The following BRI3 variants were observed in gnomAD, a reference collection of about 807,000 sequenced individuals.
BRI3 encodes membrane protein BRI3.
BRI3 carries 6 observed loss-of-function variants against 12.8 expected under a neutral mutation model. That is an observed-to-expected ratio of 0.47 (90% confidence interval 0.26 to 0.93). BRI3 has a LOEUF of 0.93. BRI3 is among the 40% of genes least tolerant of loss of function. BRI3 has a pLI of 0.15. For synonymous variants in BRI3, 91 were observed against 76.1 expected (o/e 1.20, Z -1.02); for missense variants, 134 against 171.1 (o/e 0.78, Z 1.21).
intron 2 of BRI3, 196 bp downstream of exon 2, chr7:98,282,649 GA>G: frequency 1.8e-6 from 1 of 564,646 alleles, no homozygotes; most frequent in Non-Finnish European, 3.2e-6. Flanking sequence ...CCTTGGCTCT[GA>G]ACACATTTTG....
chr7:98,308,630 C>G, exon 2 of BRI3: 1 of 222,572 alleles, frequency 4.5e-6, no homozygotes. Context: ...CAAACACAGG[C>G]TGATATTTCC....
chr7:98,323,312 T>C, the BRI3 span: 2 of 152,148 alleles, frequency 1.3e-5, no homozygotes, highest in Admixed American at 6.6e-5. Context: ...CAATTCCTCA[T>C]TGGGGATGAA....
downstream of BRI3, chr7:98,311,991 G>A (rs771284783): frequency 2.5e-5 from 29 of 1,178,804 alleles, no homozygotes; most frequent in Non-Finnish European, 3.5e-5. Context: ...GGTGGTCCTG[G>A]AAGTAATAAA....
the BRI3 span, chr7:98,315,654 T>C: frequency 9.7e-7 from 1 of 1,026,556 alleles, no homozygotes; most frequent in South Asian, 3.8e-5. Context: ...TATATAAGCA[T>C]GACATGAGCA....
intron 2 of BRI3, among the ~76,000 whole-genome samples, chr7:98,290,178 GTTGTTTTTTTT>G (rs1287176351): frequency 1.1e-5 from 1 of 92,280 alleles, no homozygotes; most frequent in African/African-American, 3.5e-5. Context: ...GCCTCTCAAG[GTTGTTTTTTTT>G]TTTTTTTTTT....
chr7:98,310,543 G>T, downstream of BRI3: 1 of 1,595,624 alleles, frequency 6.3e-7, no homozygotes, highest in Non-Finnish European at 8.5e-7. Flanking sequence ...TGAAGGAGCG[G>T]GGGGCATCTT....
At chr7:98,284,140 T>C (rs1161802428) in intron 2 of BRI3, among the ~76,000 whole-genome samples, 2 of 152,028 alleles carry the variant, frequency 1.3e-5, no homozygotes, top group Admixed American at 1.3e-4. Flanking sequence ...TAATCACTGC[T>C]CTCTGCCTCT....
downstream of BRI3, among the ~76,000 whole-genome samples, chr7:98,310,982 G>A (rs577785394): frequency 6.6e-6 from 1 of 152,078 alleles, no homozygotes; most frequent in Non-Finnish European, 1.5e-5. Context: ...CACCATGACT[G>A]GCCACATTTC....
chr7:98,315,682 T>C, the BRI3 span: 1 of 765,498 alleles, frequency 1.3e-6, no homozygotes, highest in Non-Finnish European at 1.8e-6. Flanking sequence ...GCGTGCAGCC[T>C]GACGTTTATC....
At position 98,300,413 on chromosome 7, in the gene BRI3, G is replaced by A. The variant is rs1411160323; in HGVS notation, c.72-6070G>A. ...AGTGCTGTCTACAGAGGCTGGATGC[G>A]GGTGACAGTTGCAGTCCCTCCCCGC... On this transcript the variant is annotated intron_variant and NMD_transcript_variant, in intron 1 of 2. Transcript: ENST00000491463. Among the ~76,000 whole-genome samples the A allele has an allele frequency of 3.3e-5, 5 of 152,202 alleles. No individual in the cohort carries two copies. In the East Asian group the frequency reaches 5.8e-4, roughly 18 times the overall value.
At chr7:98,287,215 G>A (rs1799740214) in intron 2 of BRI3, among the ~76,000 whole-genome samples, 1 of 152,222 alleles carries the variant, frequency 6.6e-6, no homozygotes, top group Non-Finnish European at 1.5e-5. Flanking sequence ...CAGAGACCCG[G>A]GGGCCTTGGC....
exon 2 of BRI3, chr7:98,309,714 C>T (rs1261094340): frequency 6.6e-6 from 1 of 152,340 alleles, no homozygotes; most frequent in Non-Finnish European, 1.5e-5. Flanking sequence ...CTGCCGCAAC[C>T]TTCACACCAT....
intron 2 of BRI3, among the ~76,000 whole-genome samples, chr7:98,290,760 C>G (rs7794612): frequency 0.4 from 61,184 of 151,832 alleles, 13,401 homozygotes; most frequent in Middle Eastern, 0.54. Context: ...CCGCCTCCCA[C>G]AGTGCTGGGA....
the BRI3 span, among the ~76,000 whole-genome samples, chr7:98,320,591 T>A: frequency 6.6e-6 from 1 of 152,206 alleles, no homozygotes; most frequent in African/African-American, 2.4e-5. Context: ...TGCCTTGGCC[T>A]CTCAAAGTTC....
the BRI3 span, chr7:98,317,229 T>G: frequency 6.2e-7 from 1 of 1,614,118 alleles, no homozygotes; most frequent in Non-Finnish European, 8.5e-7. Context: ...CTCAATTTCT[T>G]TGTGTTCATA....
At chr7:98,303,039 C>G (rs767616110), upstream of BRI3, among the ~76,000 whole-genome samples, 16 of 152,296 alleles carry the variant, frequency 1.1e-4, no homozygotes, top group Non-Finnish European at 2.2e-4. Context: ...CCTGCCTTGG[C>G]CTCCCAAAGT....
At chr7:98,297,542 C>T (rs1487975875), downstream of BRI3, among the ~76,000 whole-genome samples, 3 of 152,152 alleles carry the variant, frequency 2.0e-5, no homozygotes, top group East Asian at 1.9e-4. Flanking sequence ...GCCAGTTACT[C>T]GCAACAAAAG....
At chr7:98,320,006 C>G in the BRI3 span, 4 of 1,469,432 alleles carry the variant, frequency 2.7e-6, no homozygotes, top group African/African-American at 4.2e-5. Flanking sequence ...TCTCCCCAGG[C>G]TGGGAGGTCA....
At chr7:98,291,669 A>G, downstream of BRI3, 2 of 323,356 alleles carry the variant, frequency 6.2e-6, no homozygotes, top group Non-Finnish European at 9.1e-6. Flanking sequence ...GTTCTGCTTT[A>G]TTATTAAAGT....
Sources: allele counts gnomAD v4.1 joint callset (sites outside exome capture counted in the v4.1 genomes callset), GRCh38; gene constraint gnomAD v4.1.1; transcripts MANE v1.5; gene names NCBI Gene and HGNC (gene_info 2026-07-23, HGNC 2026-07-21).